RBM26: variants seen among roughly 807,000 people sequenced by gnomAD.
RBM26 encodes RNA binding motif protein 26, also known as RNA-binding protein 26.
RBM26 carries 30 observed loss-of-function variants against 123.6 expected under a neutral mutation model. The ratio of observed to expected loss-of-function variants is 0.24; its 90% CI spans 0.18 to 0.33. The LOEUF is 0.33. Among genes scored for constraint, RBM26 ranks in the 10% least tolerant of loss-of-function variants. RBM26 has a pLI of 1.00. For synonymous variants in RBM26, 400 were observed against 404.4 expected (o/e 0.99, Z 0.13); for missense variants, 947 against 1,203.6 (o/e 0.79, Z 3.15).
intron 1 of RBM26, among the ~76,000 whole-genome samples, chr13:79,405,368 A>AAGGTAAAATAATCTGTAGG (rs1218840350): frequency 2.6e-5 from 4 of 152,350 alleles, no homozygotes; most frequent in Middle Eastern, 3.4e-3. Flanking sequence ...TTAGAAAAAC[A>AAGGTAAAATAATCTGTAGG]AGGTAAAATA....
At chr13:79,361,919 C>T (rs2074734620) in intron 9 of RBM26, among the ~76,000 whole-genome samples, 1 of 152,070 alleles carries the variant, frequency 6.6e-6, no homozygotes, top group Non-Finnish European at 1.5e-5. Context: ...TTTAGAAACG[C>T]ACGAGAAAGG....
chr13:79,377,897 C>T (rs777474462), intron 2 of RBM26, among the ~76,000 whole-genome samples: 3 of 151,290 alleles, frequency 2.0e-5, no homozygotes, highest in Non-Finnish European at 2.9e-5. Context: ...CATTGCACTC[C>T]CGCCTGGGTG....
intron 10 of RBM26, among the ~76,000 whole-genome samples, 193 bp from the exon 11 acceptor site, chr13:79,358,626 C>T (rs1363791756): frequency 6.6e-6 from 1 of 152,184 alleles, no homozygotes; most frequent in Non-Finnish European, 1.5e-5. Context: ...TAGTATCTTT[C>T]ATGGAAGCCA....
chr13:79,317,618 C>G (rs956929478), downstream of RBM26, among the ~76,000 whole-genome samples: 1 of 151,692 alleles, frequency 6.6e-6, no homozygotes, highest in African/African-American at 2.4e-5. Context: ...TATACACTGA[C>G]AGAAACCAAA....
At chr13:79,391,769 A>G (rs2078016425) in intron 1 of RBM26, among the ~76,000 whole-genome samples, 1 of 151,980 alleles carries the variant, frequency 6.6e-6, no homozygotes, top group South Asian at 2.1e-4. Context: ...GAATCAAAAC[A>G]TAAATGTCAG....
intron 17 of RBM26, among the ~76,000 whole-genome samples, chr13:79,342,026 C>T (rs2071464746): frequency 6.6e-6 from 1 of 151,628 alleles, no homozygotes; most frequent in Non-Finnish European, 1.5e-5. Context: ...CTACTTTGAA[C>T]GTATTATAGC....
chr13:79,332,840 C>T (rs570981415), intron 20 of RBM26, among the ~76,000 whole-genome samples: 53 of 152,150 alleles, frequency 3.5e-4, no homozygotes, highest in African/African-American at 1.2e-3. Context: ...AGTCTTTCCG[C>T]GAGCAAAATT....
At chr13:79,317,734 T>A (rs1276075547), downstream of RBM26, among the ~76,000 whole-genome samples, 3 of 151,736 alleles carry the variant, frequency 2.0e-5, no homozygotes, top group Non-Finnish European at 4.4e-5. Flanking sequence ...TATACCTCCA[T>A]CAGTACTTGT....
intron 14 of RBM26, among the ~76,000 whole-genome samples, chr13:79,348,236 T>C (rs560156525): frequency 6.6e-6 from 1 of 152,242 alleles, no homozygotes; most frequent in African/African-American, 2.4e-5. Context: ...TATAGTATAT[T>C]GTCAGGTTTG....
Position 79,356,383 on chromosome 13 carries a change from AAC to A in RBM26, c.1690-1001_1690-1000del, listed in dbSNP as rs1491085753. On this transcript the variant is annotated intron_variant, in intron 11 of 21. Coordinates refer to ENST00000438737, the MANE Select transcript of RBM26 (RefSeq NM_001366735.2). ...AGACTCTGTCTCAAAAAAAAAAAAA[AAC>A]AAACAAAAAAAAACAAAAAAGTAGT... 9.7e-5 allele frequency among the ~76,000 whole-genome samples: 3 copies of A among 30,992 alleles called. 1 individual carries two copies. The highest frequency in any genetic ancestry group is 1.6e-4 in the African/African-American group (1 of 6,446). The allele number at this position is 30,992 out of a possible 152,430, so 20.3% of individuals were successfully genotyped here.
downstream of RBM26, chr13:79,314,800 T>C (rs766910901): frequency 1.6e-5 from 5 of 318,708 alleles, no homozygotes; most frequent in Non-Finnish European, 1.9e-5. Context: ...CAGATACACT[T>C]TGGACTCAGA....
intron 18 of RBM26, among the ~76,000 whole-genome samples, chr13:79,337,760 C>G (rs2070687535): frequency 6.6e-6 from 1 of 151,980 alleles, no homozygotes. Context: ...TTACTTATCA[C>G]TAACATCATT....
chr13:79,318,761 A>G (rs1416920832), downstream of RBM26: 1 of 981,446 alleles, frequency 1.0e-6, no homozygotes, highest in Non-Finnish European at 1.2e-6. Flanking sequence ...CAAATTATAA[A>G]GCCAAAAATC....
At chr13:79,384,984 A>C (rs1174302599) in intron 1 of RBM26, among the ~76,000 whole-genome samples, 1 of 152,208 alleles carries the variant, frequency 6.6e-6, no homozygotes, top group Admixed American at 6.5e-5. Flanking sequence ...CCAAGCTTCC[A>C]TGTTCAGTAA....
chr13:79,404,448 CAG>C (rs1015848256), intron 1 of RBM26, among the ~76,000 whole-genome samples: 28 of 152,306 alleles, frequency 1.8e-4, no homozygotes, highest in African/African-American at 6.3e-4. Flanking sequence ...ACAAAATAGG[CAG>C]AGTTAAAACA....
chr13:79,316,468 T>C (rs980116824), downstream of RBM26, among the ~76,000 whole-genome samples: 7 of 151,732 alleles, frequency 4.6e-5, 1 homozygote, highest in South Asian at 1.0e-3. Context: ...CCAAAATCAG[T>C]TCTAGTAAGA....
intron 1 of RBM26, among the ~76,000 whole-genome samples, chr13:79,397,033 T>C (rs1322328330): frequency 6.6e-6 from 1 of 151,872 alleles, no homozygotes; most frequent in Non-Finnish European, 1.5e-5. Context: ...TACGAAAAAT[T>C]AGCCAAGGGT....
At chr13:79,363,067 C>T in intron 9 of RBM26, among the ~76,000 whole-genome samples, 1 of 152,142 alleles carries the variant, frequency 6.6e-6, no homozygotes, top group East Asian at 1.9e-4. Flanking sequence ...CATCATCCAT[C>T]AAGTTTTCCA....
rs541114587 is a variant in RBM26, at chr13:79,394,535, C to T, written c.71+11169G>A. Among the ~76,000 whole-genome samples, 9 of 152,326 alleles carry T rather than the reference C, an allele frequency of 5.9e-5. No homozygotes were observed. In the South Asian group the frequency reaches 1.9e-3, roughly 32 times the overall value. ...TCCTCCCAACTTCCTTCTGTAGCAT[C>T]CATTTCTCTATTCCGTGCCTTTCTC... On this transcript the variant is annotated intron_variant, in intron 1 of 21. Coordinates refer to ENST00000438737, the MANE Select transcript of RBM26 (RefSeq NM_001366735.2).
Sources: allele counts gnomAD v4.1 joint callset (sites outside exome capture counted in the v4.1 genomes callset), GRCh38; gene constraint gnomAD v4.1.1; transcripts MANE v1.5; gene names NCBI Gene and HGNC (gene_info 2026-07-23, HGNC 2026-07-21).